The following ITIH5 variants were observed in gnomAD, a reference collection of about 807,000 sequenced individuals.
ITIH5 encodes inter-alpha-trypsin inhibitor heavy chain H5.
In ITIH5, 65 loss-of-function variants were observed where a neutral mutation model predicts 77.5. The ratio of observed to expected loss-of-function variants is 0.84; its 90% CI spans 0.69 to 1.03. The LOEUF is 1.03. Ranked by LOEUF, ITIH5 falls within the 50% of genes least tolerant of loss-of-function variation. ITIH5 has a pLI of 0.00. For missense variants in ITIH5, 1,208 were observed against 1,213.1 expected (o/e 1.00, Z 0.06); for synonymous variants, 525 against 494.3 (o/e 1.06, Z -0.82).
rs201034966 is a variant in ITIH5, at chr10:7,644,546, A to ATG, written c.136-2458_136-2457dup. ...CATATATATGATATATCACATATAT[A>ATG]TGATATATCACATATATATGATATA... On this transcript the variant is annotated intron_variant, in intron 2 of 13. Transcript: ENST00000397146. Among the ~76,000 whole-genome samples the ATG allele has an allele frequency of 2.6e-4, 30 of 115,784 alleles. 1 individual carries two copies. The highest frequency in any genetic ancestry group is 9.1e-4 in the African/African-American group (27 of 29,526). The allele number at this position is 115,784 out of a possible 152,430, so 76.0% of individuals were successfully genotyped here.
At chr10:7,571,414 T>A (rs904564197) in intron 11 of ITIH5, 1 of 152,144 alleles carries the variant, frequency 6.6e-6, no homozygotes. Context: ...TAATTTATTC[T>A]TATTTATTTA....
intron 7 of ITIH5, among the ~76,000 whole-genome samples, chr10:7,612,845 A>G (rs7093342): frequency 0.29 from 44,219 of 152,024 alleles, 6,563 homozygotes; most frequent in East Asian, 0.43. Flanking sequence ...GTATTCTGTG[A>G]TCCACAGTGG....
intron 7 of ITIH5, among the ~76,000 whole-genome samples, chr10:7,600,039 G>A (rs1465457856): frequency 1.3e-5 from 2 of 152,200 alleles, no homozygotes; most frequent in Non-Finnish European, 2.9e-5. Context: ...TAGATTGGAT[G>A]TGGATAGCTA....
At chr10:7,583,706 T>A (rs1486717773) in intron 8 of ITIH5, among the ~76,000 whole-genome samples, 1 of 152,190 alleles carries the variant, frequency 6.6e-6, no homozygotes, top group East Asian at 1.9e-4. Context: ...GAACTGGCAT[T>A]TTTTTCTCTT....
At chr10:7,625,743 T>C (rs1833565735) in intron 5 of ITIH5, among the ~76,000 whole-genome samples, 1 of 147,398 alleles carries the variant, frequency 6.8e-6, no homozygotes, top group Middle Eastern at 3.2e-3. Context: ...CTTGCCTGGG[T>C]AACAGAGTGA....
chr10:7,642,520 C>T (rs1166765244), intron 2 of ITIH5, among the ~76,000 whole-genome samples: 1 of 152,134 alleles, frequency 6.6e-6, no homozygotes, highest in African/African-American at 2.4e-5. Flanking sequence ...TAACAAAAAT[C>T]TCGTATTTTA....
At chr10:7,642,473 C>G (rs76027131) in intron 2 of ITIH5, among the ~76,000 whole-genome samples, 3,266 of 152,220 alleles carry the variant, frequency 0.021, 126 homozygotes, top group African/African-American at 0.075. Context: ...ATCACATTTA[C>G]AGGACTACCG....
intron 6 of ITIH5, among the ~76,000 whole-genome samples, chr10:7,616,829 A>G (rs971501418): frequency 7.2e-5 from 11 of 152,160 alleles, no homozygotes; most frequent in Non-Finnish European, 1.2e-4. Flanking sequence ...TTGGTCTCAA[A>G]AATAAAATAA....
At chr10:7,618,290 A>G (rs1276067134) in intron 5 of ITIH5, 1 of 152,154 alleles carries the variant, frequency 6.6e-6, no homozygotes, top group Admixed American at 6.5e-5. Flanking sequence ...AAAAAAAAAA[A>G]AATTCTCAAA....
At chr10:7,632,768 G>A (rs1313486346) in intron 5 of ITIH5, among the ~76,000 whole-genome samples, 1 of 152,196 alleles carries the variant, frequency 6.6e-6, no homozygotes, top group Non-Finnish European at 1.5e-5. Context: ...AGAGAGTATA[G>A]TCAGGATTGA....
At chr10:7,577,268 C>G (rs1832445266) in intron 9 of ITIH5, among the ~76,000 whole-genome samples, 1 of 152,188 alleles carries the variant, frequency 6.6e-6, no homozygotes, top group Non-Finnish European at 1.5e-5. Flanking sequence ...GAGAAAAAAC[C>G]TGCTTATAGT....
intron 10 of ITIH5, among the ~76,000 whole-genome samples, chr10:7,573,847 G>C (rs1832354360): frequency 6.6e-6 from 1 of 152,112 alleles, no homozygotes; most frequent in South Asian, 2.1e-4. Context: ...GTATTTATAG[G>C]GGAAGGGAGA....
chr10:7,613,210 C>A (rs1407722176), intron 7 of ITIH5, among the ~76,000 whole-genome samples: 2 of 149,110 alleles, frequency 1.3e-5, no homozygotes, highest in African/African-American at 5.1e-5. Flanking sequence ...CATGCCATTG[C>A]ACTCCAGCCC....
At chr10:7,572,733 G>C (rs1033598569) in intron 11 of ITIH5, 4 of 169,714 alleles carry the variant, frequency 2.4e-5, no homozygotes, top group African/African-American at 1.1e-4. Flanking sequence ...GAATGAGCTG[G>C]TATTTTTAAC....
At chr10:7,602,133 T>A (rs10795557) in intron 7 of ITIH5, among the ~76,000 whole-genome samples, 146,557 of 152,152 alleles carry the variant, frequency 0.96, 70,745 homozygotes, top group Non-Finnish European at 1. Flanking sequence ...GGATTACAGG[T>A]GTGAGCCACC....
At chr10:7,656,330 T>G (rs1346254636) in intron 1 of ITIH5, among the ~76,000 whole-genome samples, 1 of 152,134 alleles carries the variant, frequency 6.6e-6, no homozygotes, top group Non-Finnish European at 1.5e-5. Flanking sequence ...TCCCCCGACT[T>G]CAACCTCCCA....
chr10:7,638,295 G>C (rs1160978404), intron 4 of ITIH5, among the ~76,000 whole-genome samples: 1 of 152,182 alleles, frequency 6.6e-6, no homozygotes, highest in Non-Finnish European at 1.5e-5. Context: ...GAATGACTAA[G>C]CTGATAGGCT....
intron 6 of ITIH5, among the ~76,000 whole-genome samples, chr10:7,616,472 T>C (rs1441366066): frequency 6.6e-6 from 1 of 152,182 alleles, no homozygotes; most frequent in Admixed American, 6.5e-5. Context: ...TAGGTTTTAA[T>C]ATCCCCACCC....
Position 7,569,793 on chromosome 10 carries a change from G to A in ITIH5, c.2033-9C>T. ...GTGGGGATCACCATCCACTGCCAGA[G>A]CAGAAGAAAACGGAGAGAAAAAGAA... is the stretch of plus-strand genomic sequence containing the variant. On this transcript the variant is annotated splice_polypyrimidine_tract_variant and intron_variant, in intron 11 of 13. Transcript: ENST00000397146. 6.4e-7 allele frequency: 1 copy of A among 1,560,162 alleles called. No homozygotes were observed. Among genetic ancestry groups the A allele is most frequent in the Non-Finnish European group, 8.7e-7 (1 of 1,143,042 alleles).
Sources: gnomAD v4.1 joint callset for allele counts (sites outside exome capture counted in the v4.1 genomes callset) on GRCh38, gnomAD v4.1.1 for gene constraint, MANE v1.5 for transcripts, NCBI Gene and HGNC (gene_info 2026-07-23, HGNC 2026-07-21) for gene names.